TMPRSS12: variants seen among roughly 807,000 people sequenced by gnomAD.
TMPRSS12 encodes the protein transmembrane serine protease 12.
A neutral mutation model predicts 26.0 loss-of-function variants in TMPRSS12; 25 were observed. The observed-to-expected ratio is 0.96, with a 90% CI of 0.70 to 1.34. The LOEUF is 1.34. Ranked by LOEUF, TMPRSS12 falls within the 40% of genes most tolerant of loss-of-function variation. The pLI is 0.00. For synonymous variants in TMPRSS12, 150 were observed against 161.7 expected (o/e 0.93, Z 0.55); for missense variants, 441 against 440.1 (o/e 1.00, Z -0.02).
chr12:50,882,001 ATATATATATAT>A (rs1938178136), intron 3 of TMPRSS12, among the ~76,000 whole-genome samples: 1 of 12,168 alleles, frequency 8.2e-5, no homozygotes, highest in Non-Finnish European at 1.4e-4. Context: ...AAAAAAAAAT[ATATATATATAT>A]ATATATATAT....
At chr12:50,881,772 C>T (rs1277750626) in intron 3 of TMPRSS12, among the ~76,000 whole-genome samples, 1 of 150,182 alleles carries the variant, frequency 6.7e-6, no homozygotes, top group Non-Finnish European at 1.5e-5. Context: ...AGTCCGAGAC[C>T]AGCCTGGCCA....
rs919102005 is a variant in TMPRSS12 at position 50,887,464 on chromosome 12, G to A, written c.998G>A (p.Gly333Asp). 2 of 1,613,652 alleles carry A rather than the reference G, an allele frequency of 1.2e-6. No individual in the cohort carries two copies. Among genetic ancestry groups the A allele is most frequent in the Non-Finnish European group, 1.7e-6 (2 of 1,179,842 alleles). The change falls in exon 5 of 5, where the codon GGC becomes GAC. Residue 333 changes from glycine (G) to aspartate (D), a missense_variant. Gly to Asp is a moderately conservative substitution (Grantham distance 94, BLOSUM62 -1). Coordinates refer to ENST00000398458, the MANE Select transcript of TMPRSS12 (RefSeq NM_182559.3). ...ATACTTACTATAAATATTTTACGTGGCCAGATCCTCATAGCTTTATGTTTT... is the reference window on the plus strand; with the variant it reads ...ATACTTACTATAAATATTTTACGTGACCAGATCCTCATAGCTTTATGTTTT... ...QGILTINILR[G>D]QILIALCFVI...
chr12:50,857,696 G>T (rs1414630675), intron 2 of TMPRSS12, among the ~76,000 whole-genome samples: 5 of 152,032 alleles, frequency 3.3e-5, no homozygotes, highest in Non-Finnish European at 7.4e-5. Flanking sequence ...TCGATGAGTT[G>T]CTTCTTGTTT....
At position 50,887,517 on chromosome 12, in the gene TMPRSS12, A is replaced by G. The variant is rs555769224; in HGVS notation, c.*4A>G. The G allele has an allele frequency of 2.5e-6, 4 of 1,608,648 alleles. No homozygotes were observed. The East Asian group carries it at 8.9e-5, about 36-fold the overall frequency. On this transcript the variant is annotated 3_prime_UTR_variant, in exon 5 of 5. Transcript: ENST00000398458. ...CATCTTACTAGCAACAACATAAAGA[A>G]ATTCTGAAGGCTTTCATATCTTTAT...
intron 2 of TMPRSS12, among the ~76,000 whole-genome samples, chr12:50,852,560 GC>G (rs554566252): frequency 2.8e-3 from 430 of 152,214 alleles, no homozygotes; most frequent in Non-Finnish European, 4.6e-3. Flanking sequence ...ATAGGCGCCT[GC>G]CACCACACCC....
At chr12:50,864,831 G>T (rs934304920) in intron 3 of TMPRSS12, among the ~76,000 whole-genome samples, 8 of 151,644 alleles carry the variant, frequency 5.3e-5, no homozygotes, top group South Asian at 2.1e-4. Flanking sequence ...CTAATTTTTT[G>T]TGTGTTTTTA....
At chr12:50,853,810 A>C (rs973152316) in intron 2 of TMPRSS12, among the ~76,000 whole-genome samples, 5 of 152,108 alleles carry the variant, frequency 3.3e-5, no homozygotes, top group African/African-American at 1.2e-4. Context: ...GACCAATAAC[A>C]AGTTCCAACA....
At chr12:50,882,437 G>A (rs550715875) in intron 3 of TMPRSS12, among the ~76,000 whole-genome samples, 2 of 151,922 alleles carry the variant, frequency 1.3e-5, no homozygotes, top group Non-Finnish European at 2.9e-5. Flanking sequence ...GGTAAGCACT[G>A]CAGTTAATGA....
chr12:50,881,703 G>T (rs147933760), intron 3 of TMPRSS12, among the ~76,000 whole-genome samples: 9,332 of 151,706 alleles, frequency 0.062, 328 homozygotes, highest in Middle Eastern at 0.12. Flanking sequence ...AGGTGCTGTG[G>T]CTCACGCCTG....
chr12:50,872,701 G>A (rs1482522182), intron 3 of TMPRSS12, among the ~76,000 whole-genome samples: 1 of 67,162 alleles, frequency 1.5e-5, no homozygotes, highest in African/African-American at 5.0e-5. Flanking sequence ...TATATATGAC[G>A]TATATGTGTA....
rs751557394 is a variant in TMPRSS12 at position 50,843,982 on chromosome 12, A to G, written c.328A>G (p.Thr110Ala). The change falls in exon 2 of 5, where the codon ACC (threonine) becomes GCC (alanine). Residue 110 changes from threonine to alanine, a missense_variant. Thr to Ala is a moderately conservative substitution (Grantham distance 58, BLOSUM62 0). Transcript: ENST00000398458. ...TGTTCTTGTTCATGTATGTGGGGGA[A>G]CCCTAGTGAGAGAGAGGTGGGTCCT... ...GRVLVHVCGG[T>A]LVRERWVLTA... is the part of the protein sequence containing the mutation. 6.2e-7 allele frequency: 1 copy of G among 1,606,850 alleles called. No homozygotes were observed. The highest frequency in any genetic ancestry group is 8.5e-7 in the Non-Finnish European group (1 of 1,176,706).
intron 3 of TMPRSS12, among the ~76,000 whole-genome samples, chr12:50,872,836 TG>T (rs1303216023): frequency 0.075 from 1,498 of 19,870 alleles, 507 homozygotes; most frequent in Non-Finnish European, 0.12. Flanking sequence ...TACATATATA[TG>T]ACGTCTATAT....
At chr12:50,850,815 G>A (rs1347993755) in intron 2 of TMPRSS12, among the ~76,000 whole-genome samples, 1 of 152,156 alleles carries the variant, frequency 6.6e-6, no homozygotes, top group Non-Finnish European at 1.5e-5. Context: ...CAGCCTTGTT[G>A]CCGGTGGACC....
At chr12:50,850,373 G>A (rs1245103282) in intron 2 of TMPRSS12, among the ~76,000 whole-genome samples, 1 of 152,138 alleles carries the variant, frequency 6.6e-6, no homozygotes, top group East Asian at 1.9e-4. Flanking sequence ...AAGGCCAGGA[G>A]TTCAAGACCA....
chr12:50,882,288 A>T (rs1316558915), intron 3 of TMPRSS12, among the ~76,000 whole-genome samples: 36 of 18,378 alleles, frequency 2.0e-3, no homozygotes, highest in African/African-American at 7.4e-3. Context: ...CATCTCTCTA[A>T]AAAAAAAAAA....
rs367557219 is a variant in TMPRSS12 at position 50,843,950 on chromosome 12, A to T, written c.296A>T (p.Tyr99Phe). 10 of 1,603,388 alleles carry T rather than the reference A, an allele frequency of 6.2e-6. No homozygotes were observed. The African/African-American group carries it at 1.3e-4, about 21-fold the overall frequency. The change falls in exon 2 of 5, where the codon TAT (tyrosine) becomes TTT (phenylalanine). Residue 99 changes from tyrosine (Y) to phenylalanine (F), a missense_variant. Transcript: ENST00000398458. ...TGGGTGGTGAGCCTGCAGATTAAAT[A>T]TGGCCGTGTTCTTGTTCATGTATGT... ...WPWVVSLQIK[Y>F]GRVLVHVCGG...
intron 3 of TMPRSS12, among the ~76,000 whole-genome samples, chr12:50,859,455 A>T (rs989335818): frequency 6.6e-6 from 1 of 152,144 alleles, no homozygotes; most frequent in Non-Finnish European, 1.5e-5. Flanking sequence ...ACCTCAGGTG[A>T]TCTGCCCACA....
chr12:50,885,777 T>G, intron 4 of TMPRSS12: 2 of 413,236 alleles, frequency 4.8e-6, no homozygotes, highest in Admixed American at 4.3e-5. Flanking sequence ...TCCCTCAGCC[T>G]CCTAGGTAGC....
At chr12:50,865,741 A>G (rs1937985292) in intron 3 of TMPRSS12, among the ~76,000 whole-genome samples, 1 of 152,192 alleles carries the variant, frequency 6.6e-6, no homozygotes, top group Non-Finnish European at 1.5e-5. Context: ...CCAGAGATAA[A>G]AGAAAAATCT....
Sources: allele counts gnomAD v4.1 joint callset (sites outside exome capture counted in the v4.1 genomes callset), GRCh38; gene constraint gnomAD v4.1.1; transcripts MANE v1.5; gene names NCBI Gene and HGNC (gene_info 2026-07-23, HGNC 2026-07-21).